SEMA3B: variants seen among roughly 807,000 people sequenced by gnomAD.
SEMA3B encodes the protein semaphorin-3B.
In SEMA3B, 71 loss-of-function variants were observed where a neutral mutation model predicts 77.8. That is an observed-to-expected ratio of 0.91 (90% CI 0.75 to 1.11). The LOEUF is 1.11. Among genes scored for constraint, SEMA3B ranks in the 50% most tolerant of loss-of-function variants. The pLI is 0.00. For missense variants in SEMA3B, 968 were observed against 1,056.8 expected (o/e 0.92, Z 1.17); for synonymous variants, 470 against 452.9 (o/e 1.04, Z -0.48).
rs1447090380 is a variant in SEMA3B at position 50,275,243 on chromosome 3, C to T, written c.1492-59C>T. 1 of 1,474,016 alleles carries T rather than the reference C, an allele frequency of 6.8e-7. No homozygotes were observed. Among genetic ancestry groups the T allele is most frequent in the African/African-American group, 1.4e-5 (1 of 71,186 alleles). 91.3% of individuals were successfully genotyped at this position (1,474,016 alleles called of 1,614,324 possible). A position where few individuals can be genotyped will look rare whatever the true frequency, so the allele number is the denominator to read the frequency against. ...TCGAGTGGAAGAAGGGATCCCTGACCGATGGGAGGCAGGCGTGGGGTCGCC... is the reference window on the plus strand; with the variant it reads ...TCGAGTGGAAGAAGGGATCCCTGACTGATGGGAGGCAGGCGTGGGGTCGCC... On this transcript the variant is annotated intron_variant, in intron 13 of 16. Transcript: ENST00000616701. This position sits in a 1 kb window ranked among gnomAD's most constrained non-coding sequence, Gnocchi z 7.5.
At chr3:50,264,512 G>T (rs1404673623), upstream of SEMA3B, among the ~76,000 whole-genome samples, 1 of 152,180 alleles carries the variant, frequency 6.6e-6, no homozygotes, top group Non-Finnish European at 1.5e-5. Context: ...GGCAGGGTAG[G>T]GATTCAGCCC....
In SEMA3B at chr3:50,276,724, C is replaced by G; in HGVS notation, c.*18C>G. ...ACTGGTGACCAGACTGTCCCCACGC[C>G]GGGAACCAAGCAGGAGACGACAGGC... On this transcript the variant is annotated 3_prime_UTR_variant, in exon 17 of 17. Coordinates refer to ENST00000616701, the MANE Select transcript of SEMA3B (RefSeq NM_001290060.2). The surrounding 1 kb of genome is among the most constrained non-coding windows in gnomAD (Gnocchi z 5.8). 2 of 1,475,052 alleles carry G rather than the reference C, an allele frequency of 1.4e-6. No homozygotes were observed. Among genetic ancestry groups the G allele is most frequent in the East Asian group, 2.5e-5 (1 of 39,520 alleles). The allele number at this position is 1,475,052 out of a possible 1,614,324, so 91.4% of individuals were successfully genotyped here. A position where few individuals can be genotyped will look rare whatever the true frequency, so the allele number is the denominator to read the frequency against.
rs1419542397 is a variant in SEMA3B, at chr3:50,276,290, C to T, written c.1846-12C>T. The T allele has an allele frequency of 3.4e-6, 5 of 1,486,120 alleles. No homozygotes were observed. The highest frequency in any genetic ancestry group is 1.4e-5 in the African/African-American group (1 of 70,488). 92.1% of individuals were successfully genotyped at this position (1,486,120 alleles called of 1,614,324 possible). On this transcript the variant is annotated splice_polypyrimidine_tract_variant and intron_variant, in intron 16 of 16. Transcript: ENST00000616701. The surrounding 1 kb of genome is among the most constrained non-coding windows in gnomAD (Gnocchi z 5.8). The stretch of plus-strand genomic sequence containing the variant: ...CCCGACACCCCCGCCTCACGCTGCC[C>T]TCTGCCCGCAGGTGCTGGCAGAGGA...
chr3:50,270,907 C>T lies in SEMA3B; in HGVS notation c.348C>T (p.Phe116=), dbSNP rs374963528. Residue 116 remains phenylalanine, a synonymous_variant, in exon 4 of 17, where the codon TTC becomes TTT. Coordinates refer to ENST00000616701, the MANE Select transcript of SEMA3B (RefSeq NM_001290060.2). The surrounding 1 kb of genome is among the most constrained non-coding windows in gnomAD (Gnocchi z 4.7). ...GKDIGTECMN[F]VKLLHAYNRT... ...CCTACTAGACTGAGTGCATGAACTTCGTGAAGTTGCTGCATGCCTACAACC... is the reference window on the plus strand; with the variant it reads ...CCTACTAGACTGAGTGCATGAACTTTGTGAAGTTGCTGCATGCCTACAACC... 13 of 1,608,250 alleles carry T rather than the reference C, an allele frequency of 8.1e-6. No individual in the cohort carries two copies. Among genetic ancestry groups the T allele is most frequent in the South Asian group, 5.6e-5 (5 of 89,740 alleles).
In SEMA3B at chr3:50,274,947, C is replaced by T; in HGVS notation, c.1449+13C>T. ...GCACGTGTTTGAGGTGAGGCCTCAC[C>T]CCCAGTCGCCCGGGACCCCCCCACC... On this transcript the variant is annotated intron_variant, in intron 12 of 16. Transcript: ENST00000616701. This position sits in a 1 kb window ranked among gnomAD's most constrained non-coding sequence, Gnocchi z 4.7. 2 of 1,603,830 alleles carry T rather than the reference C, an allele frequency of 1.2e-6. No homozygotes were observed. Among genetic ancestry groups the T allele is most frequent in the Non-Finnish European group, 8.5e-7 (1 of 1,176,584 alleles).
chr3:50,264,645 AG>A (rs1267342047), upstream of SEMA3B, among the ~76,000 whole-genome samples: 4 of 152,206 alleles, frequency 2.6e-5, no homozygotes, highest in Admixed American at 2.6e-4. Context: ...CTAGCCAGTT[AG>A]GAGAATGTAG....
At position 50,269,359 on chromosome 3, in the gene SEMA3B, C is replaced by T; in HGVS notation, c.109+10C>T. On this transcript the variant is annotated intron_variant, in intron 1 of 16. Transcript: ENST00000616701. The surrounding 1 kb of genome is among the most constrained non-coding windows in gnomAD (Gnocchi z 4.0). ...CGGCTCTCCTTCCAAGGTAGGTGCA[C>T]CTGGCAGGCGGGAGGGCCCAGCTTG... 4 of 1,455,688 alleles carry T rather than the reference C, an allele frequency of 2.7e-6. No individual in the cohort carries two copies. Among genetic ancestry groups the T allele is most frequent in the Non-Finnish European group, 3.7e-6 (4 of 1,094,558 alleles). 90.2% of individuals were successfully genotyped at this position (1,455,688 alleles called of 1,614,324 possible). A position where few individuals can be genotyped will look rare whatever the true frequency, so the allele number is the denominator to read the frequency against.
chr3:50,269,389 G>A lies in SEMA3B; in HGVS notation c.109+40G>A. The stretch of plus-strand genomic sequence containing the variant: ...CAGGCGGGAGGGCCCAGCTTGAGGT[G>A]GGCAGGAAAGGGTCCCCGTATGGCC... On this transcript the variant is annotated intron_variant, in intron 1 of 16. Transcript: ENST00000616701. This position sits in a 1 kb window ranked among gnomAD's most constrained non-coding sequence, Gnocchi z 4.0. 8.3e-7 allele frequency: 1 copy of A among 1,205,098 alleles called. No homozygotes were observed. Among genetic ancestry groups the A allele is most frequent in the Non-Finnish European group, 1.1e-6 (1 of 879,914 alleles). 74.7% of individuals were successfully genotyped at this position (1,205,098 alleles called of 1,614,324 possible).
In SEMA3B at chr3:50,270,722, C is replaced by G; in HGVS notation, c.331-168C>G. On this transcript the variant is annotated intron_variant, in intron 3 of 16. Transcript: ENST00000616701. The surrounding 1 kb of genome is among the most constrained non-coding windows in gnomAD (Gnocchi z 4.7). ...GGCCTGTGCTTCCCCAGACACCCACCCTCGTGAGGCCTGGGCTGGTCAGCA... is the reference window on the plus strand; with the variant it reads ...GGCCTGTGCTTCCCCAGACACCCACGCTCGTGAGGCCTGGGCTGGTCAGCA... 8.0e-7 allele frequency: 1 copy of G among 1,242,832 alleles called. No homozygotes were observed. Among genetic ancestry groups the G allele is most frequent in the Non-Finnish European group, 1.1e-6 (1 of 907,046 alleles). The allele number at this position is 1,242,832 out of a possible 1,614,324, so 77.0% of individuals were successfully genotyped here.
chr3:50,264,281 C>A (rs1295813750), upstream of SEMA3B, among the ~76,000 whole-genome samples: 2 of 152,190 alleles, frequency 1.3e-5, no homozygotes, highest in East Asian at 1.9e-4. Flanking sequence ...GAGCTGAGCC[C>A]GAGAAGGGGC....
upstream of SEMA3B, among the ~76,000 whole-genome samples, chr3:50,265,133 G>A (rs1293610453): frequency 6.6e-6 from 1 of 152,158 alleles, no homozygotes; most frequent in East Asian, 1.9e-4. Flanking sequence ...GCCTGCAGAC[G>A]CTTCCCCAGG....
rs1553705977 is a variant in SEMA3B at position 50,273,969 on chromosome 3, C to T, written c.1049C>T (p.Ala350Val). 4.3e-6 allele frequency: 7 copies of T among 1,613,710 alleles called. No individual in the cohort carries two copies. Among genetic ancestry groups the T allele is most frequent in the Non-Finnish European group, 5.9e-6 (7 of 1,179,738 alleles). ...CVYSMNDVRRAFLGPFAHKEG... is the reference protein window; with the variant it reads ...CVYSMNDVRRVFLGPFAHKEG... ...TACAGCATGAACGACGTGCGCCGGG[C>T]CTTCTTGGGACCCTTTGCACACAAG... is the stretch of plus-strand genomic sequence containing the variant. The change falls in exon 10 of 17, where the codon GCC (alanine) becomes GTC (valine). Residue 350 changes from alanine (A) to valine (V), a missense_variant. Ala to Val is a moderately conservative substitution (Grantham distance 64). Coordinates refer to ENST00000616701, the MANE Select transcript of SEMA3B (RefSeq NM_001290060.2). The surrounding 1 kb of genome is among the most constrained non-coding windows in gnomAD (Gnocchi z 6.5).
At chr3:50,261,909 G>A in the SEMA3B span, 1 of 152,314 alleles carries the variant, frequency 6.6e-6, no homozygotes, top group Admixed American at 6.5e-5. Context: ...TCAGGGAGGA[G>A]GCAAGGACAA....
Position 50,270,993 on chromosome 3 carries a change from TG to T in SEMA3B, c.437del (p.Gly146AlafsTer16). The T allele has an allele frequency of 6.2e-7, 1 of 1,606,404 alleles. No homozygotes were observed. Among genetic ancestry groups the T allele is most frequent in the Non-Finnish European group, 8.5e-7 (1 of 1,176,428 alleles). ...CACCCAACCTGTGCCTTTGTGGAAG[TG>T]GGCCACCGGGCAGAGGTAAGGCCGG... ...AFHPTCAFVEVGHRAEEPVLR... is the reference protein window; with the variant it reads ...AFHPTCAFVEXGHRAEEPVLR... On this transcript the variant is annotated frameshift_variant, in exon 4 of 17. Transcript: ENST00000616701. LOFTEE classifies it high-confidence loss of function. The surrounding 1 kb of genome is among the most constrained non-coding windows in gnomAD (Gnocchi z 4.7).
chr3:50,275,038 A>C lies in SEMA3B; in HGVS notation c.1476A>C (p.Gln492His). 6.3e-7 allele frequency: 1 copy of C among 1,589,246 alleles called. No individual in the cohort carries two copies. Among genetic ancestry groups the C allele is most frequent in the Non-Finnish European group, 8.6e-7 (1 of 1,164,174 alleles). The part of the protein sequence containing the change: ...FEDSAAVTSM[Q>H]ISSKRHQLYV... ...ACTCGGCCGCTGTCACCAGCATGCA[A>C]ATTTCTTCCAAGAGGGTGAGTGACC... The change falls in exon 13 of 17, where the codon CAA becomes CAC. Residue 492 changes from glutamine to histidine, a missense_variant. Gln to His is a conservative substitution (Grantham distance 24, BLOSUM62 0). Coordinates refer to ENST00000616701, the MANE Select transcript of SEMA3B (RefSeq NM_001290060.2). The surrounding 1 kb of genome is among the most constrained non-coding windows in gnomAD (Gnocchi z 7.5).
rs782593824 is a variant in SEMA3B at position 50,275,324 on chromosome 3, G to C, written c.1514G>C (p.Arg505Pro). 6.3e-7 allele frequency: 1 copy of C among 1,576,712 alleles called. No homozygotes were observed. The highest frequency in any genetic ancestry group is 1.4e-5 in the African/African-American group (1 of 74,038). Residue 505 changes from arginine to proline, a missense_variant, in exon 14 of 17, where the codon CGG becomes CCG. Coordinates refer to ENST00000616701, the MANE Select transcript of SEMA3B (RefSeq NM_001290060.2). This position sits in a 1 kb window ranked among gnomAD's most constrained non-coding sequence, Gnocchi z 7.5. ...SKRHQLYVAS[R>P]SAVAQIALHR... ...TAGCACCAGCTGTACGTAGCCTCGC[G>C]GAGCGCGGTGGCCCAGATCGCGTTG...
At chr3:50,262,418 T>A in the SEMA3B span, 2 of 152,234 alleles carry the variant, frequency 1.3e-5, no homozygotes, top group South Asian at 2.1e-4. Context: ...CTGGGCAACA[T>A]AGCAAGACCC....
In SEMA3B at chr3:50,273,042, G is replaced by A. The variant is rs1701099731; in HGVS notation, c.665-256G>A. 2.0e-6 allele frequency: 1 copy of A among 489,658 alleles called. No individual in the cohort carries two copies. Among genetic ancestry groups the A allele is most frequent in the Non-Finnish European group, 3.6e-6 (1 of 276,820 alleles). 30.3% of individuals were successfully genotyped at this position (489,658 alleles called of 1,614,324 possible). On this transcript the variant is annotated intron_variant, in intron 6 of 16. Coordinates refer to ENST00000616701, the MANE Select transcript of SEMA3B (RefSeq NM_001290060.2). The surrounding 1 kb of genome is among the most constrained non-coding windows in gnomAD (Gnocchi z 6.5). ...ACGTGTGGGGCGAGATCGGAGGCTA[G>A]CCGGGCTTCACGCCTGCGCCCCCAG...
In SEMA3B at chr3:50,271,431, G is replaced by T. The variant is rs1553705386; in HGVS notation, c.615G>T (p.Gly205=). ...GRDFTIFRSL[G]QRPSLRTEPH... Reference sequence around the variant, plus strand: ...ACTTTACCATCTTTCGCAGCCTAGGGCAACGTCCAAGTCTCCGAACAGAGC... The same window carrying T: ...ACTTTACCATCTTTCGCAGCCTAGGTCAACGTCCAAGTCTCCGAACAGAGC... The change falls in exon 6 of 17, where the codon GGG becomes GGT. Residue 205 remains glycine, a synonymous_variant. Transcript: ENST00000616701. The T allele has an allele frequency of 6.3e-7, 1 of 1,586,684 alleles. No homozygotes were observed.
Sources: allele counts gnomAD v4.1 joint callset (sites outside exome capture counted in the v4.1 genomes callset), GRCh38; gene constraint gnomAD v4.1.1; non-coding constraint Gnocchi (gnomAD v3.1); transcripts MANE v1.5; gene names NCBI Gene and HGNC (gene_info 2026-07-23, HGNC 2026-07-21).